ECT2: variants seen among roughly 807,000 people sequenced by gnomAD.
ECT2 encodes epithelial cell transforming 2.
Under a neutral mutation model 116.9 loss-of-function variants are expected in ECT2, and 61 were observed. The observed-to-expected ratio is 0.52, with a 90% CI of 0.42 to 0.65. The LOEUF (loss-of-function observed/expected upper bound fraction) is 0.65, where lower values mean the gene tolerates loss of function less well. Ranked by LOEUF, ECT2 falls within the 30% of genes least tolerant of loss-of-function variation. The probability of loss-of-function intolerance (pLI) is 0.00; values close to 1 mark genes in which losing one functional copy is unlikely to be tolerated. For synonymous variants in ECT2, 358 were observed against 346.4 expected (o/e 1.03, Z -0.37); for missense variants, 937 against 1,078.7 (o/e 0.87, Z 1.84).
rs1730636519 is a variant in ECT2 at position 172,821,147 on chromosome 3, A to G, written c.*910A>G. The stretch of plus-strand genomic sequence containing the variant: ...TAGATATGCGCATGTTCAACTTTTT[A>G]TTGTGGTCTTATAATTAAATGTAAA... On this transcript the variant is annotated 3_prime_UTR_variant, in exon 25 of 25. Coordinates refer to ENST00000392692, the MANE Select transcript of ECT2 (RefSeq NM_001258315.2). 6.6e-6 allele frequency: 1 copy of G among 151,912 alleles called. No homozygotes were observed. Among genetic ancestry groups the G allele is most frequent in the Non-Finnish European group, 1.5e-5 (1 of 67,828 alleles). The allele number at this position is 151,912 out of a possible 1,614,324, so 9.4% of individuals were successfully genotyped here. A position where few individuals can be genotyped will look rare whatever the true frequency, so the allele number is the denominator to read the frequency against.
Position 172,762,731 on chromosome 3 carries a change from C to T in ECT2, c.930C>T (p.His310=), listed in dbSNP as rs991318628. Residue 310 remains histidine (H), a synonymous_variant, in exon 10 of 25, where the codon CAC becomes CAT. Coordinates refer to ENST00000392692, the MANE Select transcript of ECT2 (RefSeq NM_001258315.2). ...YLPLGDERCT[H]LVVEENIVKD... is the part of the protein sequence containing the mutation. Reference sequence around the variant, plus strand: ...CGCTTGGAGATGAAAGATGCACTCACCTTGTAGTTGAAGAGAATATAGTAA... The same window carrying T: ...CGCTTGGAGATGAAAGATGCACTCATCTTGTAGTTGAAGAGAATATAGTAA... 6.2e-7 allele frequency: 1 copy of T among 1,613,056 alleles called. No individual in the cohort carries two copies.
At chr3:172,752,667 GAAT>G in intron 1 of ECT2, among the ~76,000 whole-genome samples, 1 of 152,230 alleles carries the variant, frequency 6.6e-6, no homozygotes, top group East Asian at 1.9e-4. Flanking sequence ...GAGAGCCTTA[GAAT>G]AATGATTGAC....
In ECT2 at chr3:172,816,000, T is replaced by G. The variant is rs1729639839; in HGVS notation, c.2508+289T>G. On this transcript the variant is annotated intron_variant, in intron 23 of 24. Transcript: ENST00000392692. ...GATTTAAATATGTGTGCACTCATCT[T>G]AAATATATCGCCACAGTTATTTTCA... 2.0e-5 allele frequency among the ~76,000 whole-genome samples: 3 copies of G among 152,268 alleles called. 1 individual carries two copies. The South Asian group carries it at 6.2e-4, about 32-fold the overall frequency.
At chr3:172,829,229 C>T in the ECT2 span, 1 of 302,670 alleles carries the variant, frequency 3.3e-6, no homozygotes, top group Non-Finnish European at 6.3e-6. Flanking sequence ...AAATTGGTAT[C>T]TTTATTTTAA....
chr3:172,802,781 C>T (rs1353569526), intron 19 of ECT2, 80 bp from the exon 20 acceptor site: 2 of 1,518,136 alleles, frequency 1.3e-6, no homozygotes. Context: ...TATCTTGGCA[C>T]TACTTTCTTT....
At chr3:172,791,893 C>G (rs1724739407) in intron 18 of ECT2, among the ~76,000 whole-genome samples, 1 of 152,212 alleles carries the variant, frequency 6.6e-6, no homozygotes, top group Non-Finnish European at 1.5e-5. Flanking sequence ...ACTTGCTTCT[C>G]TTACTAAACT....
intron 18 of ECT2, among the ~76,000 whole-genome samples, chr3:172,794,682 T>C (rs1725293525): frequency 6.6e-6 from 1 of 152,162 alleles, no homozygotes; most frequent in Non-Finnish European, 1.5e-5. Flanking sequence ...TTATTGAATT[T>C]GTACATCAAT....
At chr3:172,776,283 G>A (rs1283041019) in intron 14 of ECT2, among the ~76,000 whole-genome samples, 1 of 138,988 alleles carries the variant, frequency 7.2e-6, no homozygotes, top group African/African-American at 2.8e-5. Flanking sequence ...GTTTTTTTTA[G>A]CTGATTGCAG....
At chr3:172,784,846 G>A (rs1463750798) in intron 17 of ECT2, 43 bp downstream of exon 17, 2 of 1,195,396 alleles carry the variant, frequency 1.7e-6, no homozygotes, top group Admixed American at 2.2e-5. Flanking sequence ...ATATTTTAAT[G>A]GAATTGTTTT....
At chr3:172,787,387 A>G (rs1723800356) in intron 18 of ECT2, among the ~76,000 whole-genome samples, 1 of 151,930 alleles carries the variant, frequency 6.6e-6, no homozygotes, top group Non-Finnish European at 1.5e-5. Context: ...GTAATGCTCA[A>G]ATTAGTTATT....
intron 18 of ECT2, among the ~76,000 whole-genome samples, chr3:172,787,578 C>T (rs1723829780): frequency 6.6e-6 from 1 of 152,110 alleles, no homozygotes; most frequent in African/African-American, 2.4e-5. Context: ...GTTCACCAAC[C>T]AGCCATCATG....
At chr3:172,791,205 G>T (rs1452145558) in intron 18 of ECT2, among the ~76,000 whole-genome samples, 1 of 152,188 alleles carries the variant, frequency 6.6e-6, no homozygotes, top group Non-Finnish European at 1.5e-5. Flanking sequence ...ATGCTTTGTT[G>T]TTTCATTTAT....
chr3:172,776,895 G>C (rs993018661), intron 14 of ECT2, among the ~76,000 whole-genome samples: 1 of 148,860 alleles, frequency 6.7e-6, no homozygotes, highest in South Asian at 2.1e-4. Context: ...TTCTTTTTGC[G>C]ACAAAGTCTC....
intron 21 of ECT2, among the ~76,000 whole-genome samples, chr3:172,806,335 TG>T (rs758534945): frequency 6.6e-6 from 1 of 152,132 alleles, no homozygotes; most frequent in Non-Finnish European, 1.5e-5. Context: ...TCAGAGTAAC[TG>T]GTAGACTTGA....
At chr3:172,807,322 T>C (rs959664176) in intron 21 of ECT2, among the ~76,000 whole-genome samples, 3 of 152,180 alleles carry the variant, frequency 2.0e-5, no homozygotes, top group Admixed American at 6.5e-5. Flanking sequence ...TCTACTATTT[T>C]CGGTCAGCAG....
intron 12 of ECT2, among the ~76,000 whole-genome samples, chr3:172,766,178 C>T (rs1719340664): frequency 6.6e-6 from 1 of 151,724 alleles, no homozygotes; most frequent in African/African-American, 2.4e-5. Flanking sequence ...CAAGGTTGGC[C>T]CAGAAATTTG....
rs1212776028 is a variant in ECT2, at chr3:172,820,924, T to C, written c.*687T>C. 2 of 151,894 alleles carry C rather than the reference T, an allele frequency of 1.3e-5. No homozygotes were observed. Among genetic ancestry groups the C allele is most frequent in the Non-Finnish European group, 2.9e-5 (2 of 67,808 alleles). 9.4% of individuals were successfully genotyped at this position (151,894 alleles called of 1,614,324 possible). On this transcript the variant is annotated 3_prime_UTR_variant, in exon 25 of 25. Transcript: ENST00000392692. ...CATTGTATATTTTGCAAAAACAAGATGTTTGTAGCTGTTTCAGAGAGAGTA... is the reference window on the plus strand; with the variant it reads ...CATTGTATATTTTGCAAAAACAAGACGTTTGTAGCTGTTTCAGAGAGAGTA...
intron 18 of ECT2, 109 bp from the exon 19 acceptor site, chr3:172,802,507 T>G (rs903525007): frequency 1.5e-6 from 1 of 653,944 alleles, no homozygotes; most frequent in African/African-American, 1.9e-5. Context: ...TTTAACTGAT[T>G]CACTTATCAA....
At position 172,762,523 on chromosome 3, in the gene ECT2, T is replaced by A; in HGVS notation, c.866T>A (p.Met289Lys). 1.3e-6 allele frequency: 2 copies of A among 1,593,876 alleles called. No individual in the cohort carries two copies. Among genetic ancestry groups the A allele is most frequent in the Non-Finnish European group, 1.7e-6 (2 of 1,175,294 alleles). Residue 289 changes from methionine to lysine, a missense_variant, in exon 9 of 25, where the codon ATG becomes AAG. By Grantham distance (95) the Met-to-Lys change is moderately conservative (BLOSUM62 -1). Transcript: ENST00000392692. ...TTTTCAGATGAAGAGAAAACCAATA[T>A]GGAAGAAATGACTGAAATGCAAGGT... The part of the protein sequence containing the change: ...LGFSDEEKTN[M>K]EEMTEMQGGK...
Sources: allele counts gnomAD v4.1 joint callset (sites outside exome capture counted in the v4.1 genomes callset), GRCh38; gene constraint gnomAD v4.1.1; transcripts MANE v1.5; gene names NCBI Gene and HGNC (gene_info 2026-07-23, HGNC 2026-07-21).